MAST4: variants seen among roughly 807,000 people sequenced by gnomAD.
The protein encoded by MAST4 is microtubule-associated serine/threonine-protein kinase 4.
Under a neutral mutation model 162.7 loss-of-function variants are expected in MAST4, and 89 were observed. The ratio of observed to expected loss-of-function variants is 0.55; its 90% CI spans 0.46 to 0.65. The LOEUF (loss-of-function observed/expected upper bound fraction) is 0.65. Ranked by LOEUF, MAST4 falls within the 30% of genes least tolerant of loss-of-function variation. The pLI is 0.00. For synonymous variants in MAST4, 1,479 were observed against 1,361.1 expected (o/e 1.09, Z -1.91); for missense variants, 3,153 against 3,374.0 (o/e 0.93, Z 1.62).
At chr5:66,966,560 C>T (rs1448774555) in intron 4 of MAST4, among the ~76,000 whole-genome samples, 1 of 152,184 alleles carries the variant, frequency 6.6e-6, no homozygotes, top group Non-Finnish European at 1.5e-5. Flanking sequence ...ATGCCTTGGG[C>T]ATCAACATTT....
Position 67,142,488 on chromosome 5 carries a change from T to C in MAST4, c.2685T>C (p.Asn895=), listed in dbSNP as rs1417483054. The C allele has an allele frequency of 6.3e-7, 1 of 1,597,598 alleles. No homozygotes were observed. Among genetic ancestry groups the C allele is most frequent in the Non-Finnish European group, 8.5e-7 (1 of 1,171,412 alleles). ...ATGACACAAATGATGAAGACTTTAA[T>C]GTGGAAATAAGGCAGTTTTCTTCAT... ...EEDDTNDEDF[N]VEIRQFSSCS... Residue 895 remains asparagine (N), a synonymous_variant, in exon 21 of 29, where the codon AAT becomes AAC. Transcript: ENST00000403625.
At chr5:67,156,093 A>G (rs1401817067) in intron 26 of MAST4, among the ~76,000 whole-genome samples, 1 of 151,938 alleles carries the variant, frequency 6.6e-6, no homozygotes, top group African/African-American at 2.4e-5. Flanking sequence ...CGTAAGGATA[A>G]TAGTTAATGG....
chr5:67,093,101 T>G (rs905978299), intron 6 of MAST4, among the ~76,000 whole-genome samples: 4 of 152,226 alleles, frequency 2.6e-5, no homozygotes, highest in Non-Finnish European at 4.4e-5. Context: ...CTGGAACTTT[T>G]CATTCTTTCT....
In MAST4 at chr5:66,979,437, T is replaced by G. The variant is rs193190433; in HGVS notation, c.675-74967T>G. 1.9e-3 allele frequency among the ~76,000 whole-genome samples: 282 copies of G among 152,252 alleles called. 2 individuals are homozygous for G. The highest frequency in any genetic ancestry group is 6.6e-3 in the African/African-American group (275 of 41,554). The stretch of plus-strand genomic sequence containing the variant: ...GTTCAGCTGCAACCTGCAACTGAGA[T>G]TTCTTGAGTTCAGTTAACTAGGGAG... On this transcript the variant is annotated intron_variant, in intron 4 of 28. Transcript: ENST00000403625.
chr5:66,865,252 A>G (rs1200374509), intron 3 of MAST4, among the ~76,000 whole-genome samples: 1 of 152,230 alleles, frequency 6.6e-6, no homozygotes, highest in Non-Finnish European at 1.5e-5. Context: ...ACAGAGTCAT[A>G]CATGCCAGCT....
At chr5:67,057,192 C>T (rs917714176) in intron 5 of MAST4, among the ~76,000 whole-genome samples, 4 of 152,108 alleles carry the variant, frequency 2.6e-5, no homozygotes, top group Admixed American at 1.3e-4. Context: ...ACATGCAGTG[C>T]CTCTTCACCA....
chr5:66,828,132 A>C (rs1757363022), intron 3 of MAST4, among the ~76,000 whole-genome samples: 1 of 152,152 alleles, frequency 6.6e-6, no homozygotes. Context: ...AGTTATTATC[A>C]TGAGGGAAAT....
At chr5:66,667,834 C>G (rs1340457095) in intron 1 of MAST4, among the ~76,000 whole-genome samples, 1 of 152,110 alleles carries the variant, frequency 6.6e-6, no homozygotes. Context: ...ATCTGGTATT[C>G]ACCTTGTCAA....
intron 1 of MAST4, 60 bp from the exon 2 acceptor site, chr5:66,759,649 C>T (rs1383808295): frequency 1.9e-6 from 3 of 1,561,288 alleles, no homozygotes; most frequent in African/African-American, 1.4e-5. Context: ...AATGATTGGT[C>T]TTTCATTCTA....
chr5:67,085,251 C>G (rs1415395102), intron 5 of MAST4, among the ~76,000 whole-genome samples: 2 of 152,128 alleles, frequency 1.3e-5, no homozygotes, highest in African/African-American at 4.8e-5. Context: ...TTCAGCAAAT[C>G]CCGTTGGCTC....
Position 67,134,627 on chromosome 5 carries a change from G to A in MAST4, c.2331G>A (p.Leu777=), listed in dbSNP as rs1307341385. The A allele has an allele frequency of 2.5e-6, 4 of 1,613,542 alleles. No individual in the cohort carries two copies. The highest frequency in any genetic ancestry group is 2.5e-6 in the Non-Finnish European group (3 of 1,179,698). Residue 777 remains leucine, a synonymous_variant, in exon 18 of 29, where the codon CTG becomes CTA. Transcript: ENST00000403625. ...WAMGIILYEF[L]VGCVPFFGDT... Reference sequence around the variant, plus strand: ...TGGGGATTATCCTCTATGAATTTCTGGTTGGATGCGTGCCATTCTTTGGGG... The same window carrying A: ...TGGGGATTATCCTCTATGAATTTCTAGTTGGATGCGTGCCATTCTTTGGGG...
At chr5:67,082,147 CTT>C (rs60811351) in intron 5 of MAST4, among the ~76,000 whole-genome samples, 1,718 of 125,750 alleles carry the variant, frequency 0.014, 34 homozygotes, top group African/African-American at 0.049. Context: ...TACCTGTAAT[CTT>C]TTTTTTTTTT....
At chr5:67,062,280 C>T (rs894198766) in intron 5 of MAST4, among the ~76,000 whole-genome samples, 1 of 152,046 alleles carries the variant, frequency 6.6e-6, no homozygotes, top group Non-Finnish European at 1.5e-5. Context: ...TACCTGTAGT[C>T]CCAGCTACTC....
At chr5:67,061,143 T>C (rs1269961808) in intron 5 of MAST4, among the ~76,000 whole-genome samples, 1 of 145,858 alleles carries the variant, frequency 6.9e-6, no homozygotes, top group African/African-American at 2.7e-5. Context: ...TTCAGTCTTT[T>C]TTCCTGTATG....
chr5:66,730,466 C>T (rs1400667942), intron 1 of MAST4, among the ~76,000 whole-genome samples: 5 of 152,038 alleles, frequency 3.3e-5, no homozygotes, highest in African/African-American at 9.7e-5. Context: ...GTAGGTTGTT[C>T]GCATTGTGTA....
intron 19 of MAST4, among the ~76,000 whole-genome samples, chr5:67,138,648 G>A (rs1160687992): frequency 6.6e-6 from 1 of 152,126 alleles, no homozygotes; most frequent in African/African-American, 2.4e-5. Flanking sequence ...TGGCCAGGCT[G>A]GTCTTGAACT....
chr5:66,643,143 T>A (rs1745597166), intron 1 of MAST4, among the ~76,000 whole-genome samples: 1 of 152,192 alleles, frequency 6.6e-6, no homozygotes, highest in South Asian at 2.1e-4. Flanking sequence ...CATTATAGAA[T>A]TAAACATAAA....
chr5:66,993,897 T>C (rs1750310106), intron 4 of MAST4, among the ~76,000 whole-genome samples: 1 of 147,408 alleles, frequency 6.8e-6, no homozygotes, highest in African/African-American at 2.5e-5. Context: ...TCCAGAATTA[T>C]AGAATCAATG....
chr5:66,753,139 C>T (rs1033054432), intron 1 of MAST4, among the ~76,000 whole-genome samples: 23 of 151,808 alleles, frequency 1.5e-4, no homozygotes, highest in South Asian at 8.4e-4. Flanking sequence ...ATCTCTGGGA[C>T]GCATTCAAAG....
Sources: gnomAD v4.1 joint callset for allele counts (sites outside exome capture counted in the v4.1 genomes callset) on GRCh38, gnomAD v4.1.1 for gene constraint, MANE v1.5 for transcripts, NCBI Gene and HGNC (gene_info 2026-07-23, HGNC 2026-07-21) for gene names.